The following CBFA2T3 variants were observed in gnomAD, a reference collection of about 807,000 sequenced individuals.
CBFA2T3 encodes the protein transcriptional corepressor CBFA2T3.
Under a neutral mutation model 58.6 loss-of-function variants are expected in CBFA2T3, and 31 were observed. The ratio of observed to expected loss-of-function variants is 0.53; its 90% confidence interval spans 0.40 to 0.71. CBFA2T3 has a LOEUF of 0.71. CBFA2T3 is among the 30% of genes least tolerant of loss of function. The pLI, the probability that CBFA2T3 is intolerant of heterozygous loss-of-function variation, is 0.00. For missense variants in CBFA2T3, 1,076 were observed against 963.1 expected, an observed-to-expected ratio of 1.12 and a Z score of -1.55; for synonymous variants, 531 against 421.9, an observed-to-expected ratio of 1.26 and a Z score of -3.17.
chr16:88,937,102 A>G (rs1394629665), intron 1 of CBFA2T3: 1 of 152,236 alleles, frequency 6.6e-6, no homozygotes, highest in Non-Finnish European at 1.5e-5. Context: ...TGTTTCCCGC[A>G]GCACGGCCTG....
intron 1 of CBFA2T3, among the ~76,000 whole-genome samples, chr16:88,912,733 C>G (rs1371574759): frequency 6.6e-6 from 1 of 152,260 alleles, no homozygotes; most frequent in Non-Finnish European, 1.5e-5. Context: ...AGCCCCCTAT[C>G]TGCCTCCCCT....
intron 1 of CBFA2T3, among the ~76,000 whole-genome samples, chr16:88,918,292 G>A (rs1970803747): frequency 6.6e-6 from 1 of 152,256 alleles, no homozygotes; most frequent in African/African-American, 2.4e-5. Context: ...ATCCCTGCAG[G>A]CCGGGGGTGA....
chr16:88,970,334 C>T (rs780748986), intron 1 of CBFA2T3, among the ~76,000 whole-genome samples: 15 of 152,118 alleles, frequency 9.9e-5, no homozygotes, highest in Admixed American at 2.0e-4. Context: ...GAGGTGGGTT[C>T]GGAGGGGCTC....
chr16:88,961,147 C>T (rs963228715), intron 1 of CBFA2T3, among the ~76,000 whole-genome samples: 2 of 152,144 alleles, frequency 1.3e-5, no homozygotes, highest in African/African-American at 4.8e-5. Context: ...GATCTGGTGT[C>T]TCTAGAGCTT....
chr16:88,969,677 C>T (rs994553901), intron 1 of CBFA2T3, among the ~76,000 whole-genome samples: 9 of 152,172 alleles, frequency 5.9e-5, no homozygotes, highest in Non-Finnish European at 1.0e-4. Flanking sequence ...ACCTCAGCAC[C>T]GCCCGTGGGG....
intron 1 of CBFA2T3, among the ~76,000 whole-genome samples, chr16:88,969,915 G>A (rs1452519427): frequency 1.3e-5 from 2 of 152,230 alleles, no homozygotes; most frequent in Non-Finnish European, 2.9e-5. Flanking sequence ...CTCCCAAAAT[G>A]AGCCCCAGAA....
chr16:88,926,584 G>A (rs1358644627), intron 1 of CBFA2T3, among the ~76,000 whole-genome samples: 1 of 152,208 alleles, frequency 6.6e-6, no homozygotes, highest in African/African-American at 2.4e-5. Flanking sequence ...GTCAGCCAAC[G>A]AGCTTTGTGT....
At chr16:88,889,198 G>C (rs1241676721) in intron 5 of CBFA2T3, among the ~76,000 whole-genome samples, 1 of 151,486 alleles carries the variant, frequency 6.6e-6, no homozygotes, top group African/African-American at 2.4e-5. Flanking sequence ...CGCCAGATGG[G>C]CCCAGGCTCC....
intron 4 of CBFA2T3, 44 bp downstream of exon 4, chr16:88,892,200 G>T (rs371042574): frequency 1.3e-6 from 2 of 1,584,414 alleles, no homozygotes; most frequent in Admixed American, 1.7e-5. Flanking sequence ...TAAACGGAGG[G>T]AATATGCATG....
chr16:88,896,520 G>A (rs1000069587), intron 3 of CBFA2T3, among the ~76,000 whole-genome samples: 5 of 152,270 alleles, frequency 3.3e-5, no homozygotes, highest in South Asian at 2.1e-4. Context: ...GCCTCTGTCC[G>A]GAGGACCCCA....
intron 1 of CBFA2T3, chr16:88,957,791 GA>G: frequency 6.6e-6 from 1 of 152,432 alleles, no homozygotes; most frequent in Non-Finnish European, 1.5e-5. Flanking sequence ...CACAACACCG[GA>G]AAAGACAAAT....
At chr16:88,880,826 C>T (rs1013495392) in intron 9 of CBFA2T3, 38 bp from the exon 10 acceptor site, 10 of 1,544,068 alleles carry the variant, frequency 6.5e-6, no homozygotes, top group East Asian at 4.8e-5. Flanking sequence ...ATGGGCCACG[C>T]GGCTGCCCCT....
chr16:88,885,662 T>G lies in CBFA2T3; in HGVS notation c.893+299A>C. The G allele has an allele frequency of 2.3e-6, 1 of 435,696 alleles. No individual in the cohort carries two copies. Among genetic ancestry groups the G allele is most frequent in the African/African-American group, 2.0e-5 (1 of 48,808 alleles). 27.0% of individuals were successfully genotyped at this position (435,696 alleles called of 1,614,324 possible). ...GCCCAGCCCAGGCACCTGGGGACCA[T>G]GGACCCCGGACGCTCGGAGTCCATG... On this transcript the variant is annotated intron_variant, in intron 6 of 11. Coordinates refer to ENST00000268679, the MANE Select transcript of CBFA2T3 (RefSeq NM_005187.6). This position sits in a 1 kb window ranked among gnomAD's most constrained non-coding sequence, Gnocchi z 5.3.
At chr16:88,928,074 A>C (rs1321044667) in intron 1 of CBFA2T3, among the ~76,000 whole-genome samples, 1 of 152,130 alleles carries the variant, frequency 6.6e-6, no homozygotes, top group Non-Finnish European at 1.5e-5. Context: ...GAACCCCAGC[A>C]GGGAAGGCCA....
intron 1 of CBFA2T3, among the ~76,000 whole-genome samples, chr16:88,916,131 C>T (rs1350404239): frequency 6.7e-6 from 1 of 149,752 alleles, no homozygotes; most frequent in Non-Finnish European, 1.5e-5. Flanking sequence ...TGTGCACTCA[C>T]GTGTACATGT....
At position 88,914,974 on chromosome 16, in the gene CBFA2T3, CGGGGT is replaced by C. The variant is rs1347177365; in HGVS notation, c.152-13323_152-13319del. ...CAATCTGGGCCGCCCGCTGCCGGGGCGGGGTGGGGGTGGGGGTGTGGCTGCCAGCC... is the reference window on the plus strand; with the variant it reads ...CAATCTGGGCCGCCCGCTGCCGGGGCGGGGGTGGGGGTGTGGCTGCCAGCC... On this transcript the variant is annotated intron_variant, in intron 1 of 11. Coordinates refer to ENST00000268679, the MANE Select transcript of CBFA2T3 (RefSeq NM_005187.6). Among the ~76,000 whole-genome samples, 11 of 75,814 alleles carry C rather than the reference CGGGGT, an allele frequency of 1.5e-4. No individual in the cohort carries two copies. The East Asian group carries it at 3.2e-3, about 22-fold the overall frequency. The allele number at this position is 75,814 out of a possible 152,430, so 49.7% of individuals were successfully genotyped here.
intron 1 of CBFA2T3, among the ~76,000 whole-genome samples, chr16:88,931,992 C>G (rs1397847011): frequency 6.6e-6 from 1 of 152,100 alleles, no homozygotes; most frequent in African/African-American, 2.4e-5. Context: ...CATGCTTCCT[C>G]CTGGCCCGGT....
rs907934598 is a variant in CBFA2T3, at chr16:88,963,292, T to C, written c.151+13365A>G. On this transcript the variant is annotated intron_variant, in intron 1 of 11. Transcript: ENST00000268679. ...GTGGGCGCTCGTCTTCTGCCAGGGG[T>C]GGGCGCTCATCTTCTGCCAGGGGCG... is the stretch of plus-strand genomic sequence containing the variant. Among the ~76,000 whole-genome samples, 3 of 144,248 alleles carry C rather than the reference T, an allele frequency of 2.1e-5. No homozygotes were observed. The East Asian group carries it at 6.1e-4, about 29-fold the overall frequency. 94.6% of individuals were successfully genotyped at this position (144,248 alleles called of 152,430 possible). A position where few individuals can be genotyped will look rare whatever the true frequency, so the allele number is the denominator to read the frequency against.
intron 1 of CBFA2T3, among the ~76,000 whole-genome samples, chr16:88,904,336 G>C (rs1283940100): frequency 6.6e-6 from 1 of 152,120 alleles, no homozygotes. Flanking sequence ...ACCCTCTGCG[G>C]CTGATGCTGC....
Sources: allele counts gnomAD v4.1 joint callset (sites outside exome capture counted in the v4.1 genomes callset), GRCh38; gene constraint gnomAD v4.1.1; non-coding constraint Gnocchi (gnomAD v3.1); transcripts MANE v1.5; gene names NCBI Gene and HGNC (gene_info 2026-07-23, HGNC 2026-07-21).